Variants in XPR1 observed in about 807,000 individuals in gnomAD.
XPR1 encodes solute carrier family 53 member 1.
XPR1 carries 28 observed loss-of-function variants against 87.5 expected under a neutral mutation model. The ratio of observed to expected loss-of-function variants is 0.32; its 90% CI spans 0.24 to 0.44. The LOEUF is 0.44. XPR1 is among the 20% of genes least tolerant of loss of function. XPR1 has a pLI of 1.00. For missense variants in XPR1, 559 were observed against 862.3 expected (o/e 0.65, Z 4.41); for synonymous variants, 300 against 306.1 (o/e 0.98, Z 0.21).
At chr1:180,753,354 C>G (rs971596723) in intron 2 of XPR1, among the ~76,000 whole-genome samples, 1 of 152,010 alleles carries the variant, frequency 6.6e-6, no homozygotes, top group Non-Finnish European at 1.5e-5. Flanking sequence ...CGCTTGAACT[C>G]GGAAGTTCAA....
At chr1:180,707,109 G>A (rs1420330263) in intron 2 of XPR1, among the ~76,000 whole-genome samples, 3 of 152,084 alleles carry the variant, frequency 2.0e-5, no homozygotes, top group Non-Finnish European at 4.4e-5. Flanking sequence ...CAAAAATAAC[G>A]GTCAGAATAG....
intron 2 of XPR1, among the ~76,000 whole-genome samples, chr1:180,757,558 G>T (rs1647796303): frequency 6.7e-6 from 1 of 149,596 alleles, no homozygotes; most frequent in Non-Finnish European, 1.5e-5. Context: ...GTCCATGCTG[G>T]AGTGCAGTGG....
chr1:180,768,298 G>C (rs1428734219), intron 2 of XPR1, among the ~76,000 whole-genome samples: 1 of 152,012 alleles, frequency 6.6e-6, no homozygotes, highest in Non-Finnish European at 1.5e-5. Context: ...TTTCTAGGAG[G>C]ATTTGCTTCA....
chr1:180,842,298 C>G (rs1447782507), intron 11 of XPR1, among the ~76,000 whole-genome samples: 1 of 152,084 alleles, frequency 6.6e-6, no homozygotes, highest in Non-Finnish European at 1.5e-5. Context: ...TTCAGAGTGT[C>G]TCATGTTTTG....
chr1:180,756,390 T>C (rs754878410), intron 2 of XPR1, among the ~76,000 whole-genome samples: 3 of 152,248 alleles, frequency 2.0e-5, no homozygotes, highest in Admixed American at 6.5e-5. Flanking sequence ...GTCTGGGTAA[T>C]GCTGTTGAGC....
intron 2 of XPR1, among the ~76,000 whole-genome samples, chr1:180,684,358 T>G (rs1382808780): frequency 2.0e-5 from 3 of 152,026 alleles, no homozygotes; most frequent in Admixed American, 6.6e-5. Context: ...CATGCTGTTT[T>G]GGTCCAGTAC....
In XPR1 at chr1:180,886,335, C is replaced by T. The variant is rs1306558101; in HGVS notation, c.*2269C>T. ...TCTTATATAAATAAAATTGGTGGTACTAATGTGTATCCAGAGACATTTGAA... is the reference window on the plus strand; with the variant it reads ...TCTTATATAAATAAAATTGGTGGTATTAATGTGTATCCAGAGACATTTGAA... On this transcript the variant is annotated 3_prime_UTR_variant, in exon 15 of 15. Coordinates refer to ENST00000367590, the MANE Select transcript of XPR1 (RefSeq NM_004736.4). 1 of 152,212 alleles carries T rather than the reference C, an allele frequency of 6.6e-6. No homozygotes were observed. The highest frequency in any genetic ancestry group is 1.5e-5 in the Non-Finnish European group (1 of 68,034). The allele number at this position is 152,212 out of a possible 1,614,324, so 9.4% of individuals were successfully genotyped here. A position where few individuals can be genotyped will look rare whatever the true frequency, so the allele number is the denominator to read the frequency against.
intron 7 of XPR1, among the ~76,000 whole-genome samples, chr1:180,817,362 T>C (rs1490945590): frequency 1.3e-5 from 2 of 152,206 alleles, no homozygotes; most frequent in Admixed American, 1.3e-4. Context: ...TCCGCAATAG[T>C]GTAATGTCCT....
chr1:180,680,565 A>G (rs1270874851), intron 1 of XPR1, among the ~76,000 whole-genome samples: 3 of 152,052 alleles, frequency 2.0e-5, no homozygotes, highest in Admixed American at 1.3e-4. Flanking sequence ...GGGTTTCACC[A>G]TGTTGGCCAG....
At chr1:180,671,538 T>G (rs898373449) in intron 1 of XPR1, among the ~76,000 whole-genome samples, 1 of 152,090 alleles carries the variant, frequency 6.6e-6, no homozygotes, top group African/African-American at 2.4e-5. Flanking sequence ...TATATATATT[T>G]TTTTGAGACG....
chr1:180,740,288 G>A (rs979231620), intron 2 of XPR1, among the ~76,000 whole-genome samples: 1 of 152,034 alleles, frequency 6.6e-6, no homozygotes, highest in African/African-American at 2.4e-5. Context: ...TTTGCTGCAG[G>A]TTTTTTCCCC....
chr1:180,805,989 T>A, intron 4 of XPR1, 73 bp from the exon 5 acceptor site: 1 of 1,519,160 alleles, frequency 6.6e-7, no homozygotes, highest in South Asian at 1.3e-5. Context: ...CTGTCAGTGC[T>A]TAGTGCTTAT....
At chr1:180,662,872 G>A (rs1052154955) in intron 1 of XPR1, among the ~76,000 whole-genome samples, 1 of 151,778 alleles carries the variant, frequency 6.6e-6, no homozygotes, top group Non-Finnish European at 1.5e-5. Flanking sequence ...CTGTCTTTAA[G>A]CTCACTATTT....
chr1:180,648,418 G>C (rs1025052414), intron 1 of XPR1, among the ~76,000 whole-genome samples: 1 of 152,104 alleles, frequency 6.6e-6, no homozygotes, highest in Non-Finnish European at 1.5e-5. Flanking sequence ...GAATTACCTG[G>C]GCTGCTTCTA....
intron 1 of XPR1, among the ~76,000 whole-genome samples, chr1:180,659,609 G>T (rs987273078): frequency 1.3e-4 from 2 of 14,874 alleles, no homozygotes; most frequent in East Asian, 2.0e-3. Context: ...CCCACCCCCC[G>T]CCGGGTTCAA....
At chr1:180,883,418 A>G (rs1022253435) in intron 14 of XPR1, among the ~76,000 whole-genome samples, 1 of 152,032 alleles carries the variant, frequency 6.6e-6, no homozygotes, top group Non-Finnish European at 1.5e-5. Context: ...CATAAAATCA[A>G]AGTCAGGTGG....
At chr1:180,732,322 C>T (rs950830) in intron 2 of XPR1, among the ~76,000 whole-genome samples, 24,937 of 151,616 alleles carry the variant, frequency 0.16, 2,870 homozygotes, top group African/African-American at 0.32. Flanking sequence ...GAATTTGATA[C>T]ATTTTCTCAT....
chr1:180,790,562 C>A (rs979865580), intron 3 of XPR1, among the ~76,000 whole-genome samples: 1 of 152,026 alleles, frequency 6.6e-6, no homozygotes, highest in African/African-American at 2.4e-5. Context: ...TTTTTTGAGA[C>A]GGAGTCTCAC....
chr1:180,691,640 T>C (rs1348970949), intron 2 of XPR1, among the ~76,000 whole-genome samples: 1 of 152,186 alleles, frequency 6.6e-6, no homozygotes, highest in Non-Finnish European at 1.5e-5. Flanking sequence ...CAGGTTTTGT[T>C]AGAAATTTTG....
Sources: gnomAD v4.1 joint callset for allele counts (sites outside exome capture counted in the v4.1 genomes callset) on GRCh38, gnomAD v4.1.1 for gene constraint, MANE v1.5 for transcripts, NCBI Gene and HGNC (gene_info 2026-07-23, HGNC 2026-07-21) for gene names.